Variants in DENND1A observed in about 807,000 individuals in gnomAD.
DENND1A encodes the protein DENN domain containing 1A.
Under a neutral mutation model 113.7 loss-of-function variants are expected in DENND1A, and 51 were observed. That is an observed-to-expected ratio of 0.45 (90% CI 0.36 to 0.57). The LOEUF is 0.57. DENND1A is among the 20% of genes least tolerant of loss of function. The pLI is 0.00. For synonymous variants in DENND1A, 565 were observed against 570.8 expected (o/e 0.99, Z 0.14); for missense variants, 1,258 against 1,395.9 (o/e 0.90, Z 1.57).
At chr9:123,576,184 G>T (rs563099829) in intron 12 of DENND1A, among the ~76,000 whole-genome samples, 1 of 152,220 alleles carries the variant, frequency 6.6e-6, no homozygotes, top group Non-Finnish European at 1.5e-5. Flanking sequence ...TATTATGCCA[G>T]TTTTTGTATA....
At chr9:123,682,602 A>T (rs2064541427) in intron 5 of DENND1A, among the ~76,000 whole-genome samples, 1 of 152,210 alleles carries the variant, frequency 6.6e-6, no homozygotes, top group Non-Finnish European at 1.5e-5. Flanking sequence ...CCCCAATGTT[A>T]AAAAGCAGAG....
intron 2 of DENND1A, among the ~76,000 whole-genome samples, chr9:123,863,751 C>A (rs917704295): frequency 6.6e-6 from 1 of 152,286 alleles, no homozygotes. Flanking sequence ...GCTAAAGTTA[C>A]AAAAGCAGGC....
intron 13 of DENND1A, among the ~76,000 whole-genome samples, chr9:123,542,164 T>C (rs2056338437): frequency 6.6e-6 from 1 of 152,254 alleles, no homozygotes; most frequent in African/African-American, 2.4e-5. Context: ...ACATTCCTGT[T>C]AGCTCCAGGC....
At chr9:123,692,270 T>C (rs1335868212) in intron 5 of DENND1A, among the ~76,000 whole-genome samples, 1 of 152,242 alleles carries the variant, frequency 6.6e-6, no homozygotes, top group Non-Finnish European at 1.5e-5. Flanking sequence ...ATGTCTACTC[T>C]CTTAGGAGAA....
rs751293460 is a variant in DENND1A, at chr9:123,422,359, C to G, written c.1489-10530G>C. Among the ~76,000 whole-genome samples, 19 of 152,240 alleles carry G rather than the reference C, an allele frequency of 1.2e-4. 1 individual carries two copies. Among genetic ancestry groups the G allele is most frequent in the Non-Finnish European group, 2.5e-4 (17 of 68,040 alleles). Reference sequence around the variant, plus strand: ...TCTACCTACAGGTTTCCTAGCCTAACAGGTTGAGCCCCAGGGCCATCCCCC... The same window carrying G: ...TCTACCTACAGGTTTCCTAGCCTAAGAGGTTGAGCCCCAGGGCCATCCCCC... On this transcript the variant is annotated intron_variant, in intron 19 of 23. Coordinates refer to ENST00000394215, the MANE Select transcript of DENND1A (RefSeq NM_001352964.2). This position sits in a 1 kb window ranked among gnomAD's most constrained non-coding sequence, Gnocchi z 4.8.
At chr9:123,929,035 C>T (rs563466563) in intron 1 of DENND1A, 2 of 504,396 alleles carry the variant, frequency 4.0e-6, no homozygotes, top group African/African-American at 4.2e-5. Context: ...CACAAGAGGA[C>T]CTGGCTGGGA....
chr9:123,695,484 T>TTA (rs138844001), intron 5 of DENND1A, among the ~76,000 whole-genome samples: 14,408 of 150,880 alleles, frequency 0.095, 753 homozygotes, highest in African/African-American at 0.14. Flanking sequence ...TCATTGAGTT[T>TTA]TATATATATA....
chr9:123,660,321 C>T (rs1030729883), intron 8 of DENND1A, among the ~76,000 whole-genome samples: 12 of 152,110 alleles, frequency 7.9e-5, no homozygotes, highest in Non-Finnish European at 1.8e-4. Flanking sequence ...GATTTAGGGA[C>T]AATGGGTCAT....
chr9:123,883,034 G>C (rs1848542683), intron 1 of DENND1A, among the ~76,000 whole-genome samples: 1 of 151,982 alleles, frequency 6.6e-6, no homozygotes, highest in South Asian at 2.1e-4. Flanking sequence ...CCTTCTTTCT[G>C]CTCCTCAAAC....
At chr9:123,568,847 T>C (rs370497244) in intron 12 of DENND1A, among the ~76,000 whole-genome samples, 50 of 152,244 alleles carry the variant, frequency 3.3e-4, no homozygotes, top group East Asian at 3.1e-3. Flanking sequence ...GTATAATAGA[T>C]GTGTTTCACA....
intron 1 of DENND1A, among the ~76,000 whole-genome samples, chr9:123,902,984 T>G (rs932121500): frequency 2.0e-5 from 3 of 151,932 alleles, no homozygotes; most frequent in Non-Finnish European, 4.4e-5. Flanking sequence ...AGTGGGTTTA[T>G]CCCAGGAATG....
intron 18 of DENND1A, among the ~76,000 whole-genome samples, chr9:123,441,945 T>C (rs1052680148): frequency 1.3e-5 from 2 of 152,202 alleles, no homozygotes; most frequent in Admixed American, 6.5e-5. Context: ...TAATTCCTTA[T>C]TGAAAAATTA....
chr9:123,476,507 T>G (rs2049926714), intron 13 of DENND1A, among the ~76,000 whole-genome samples: 2 of 152,166 alleles, frequency 1.3e-5, no homozygotes, highest in South Asian at 4.1e-4. Flanking sequence ...AACCCAACAT[T>G]TGTTGGTCAC....
chr9:123,639,777 C>CAAAA (rs199515973), intron 9 of DENND1A, among the ~76,000 whole-genome samples: 4 of 115,604 alleles, frequency 3.5e-5, no homozygotes, highest in Non-Finnish European at 7.7e-5. Flanking sequence ...AACTCCATCT[C>CAAAA]AAAAAAAAAA....
intron 9 of DENND1A, among the ~76,000 whole-genome samples, chr9:123,647,228 T>A (rs1407228708): frequency 6.6e-6 from 1 of 150,830 alleles, no homozygotes; most frequent in Non-Finnish European, 1.5e-5. Flanking sequence ...AAAAAAAAAA[T>A]GTAAGAACCC....
chr9:123,771,218 A>G (rs1829675934), intron 3 of DENND1A, among the ~76,000 whole-genome samples: 1 of 152,226 alleles, frequency 6.6e-6, no homozygotes. Flanking sequence ...GCAATAGGTA[A>G]TACAGAATCA....
At chr9:123,924,552 G>A (rs1447849813) in intron 1 of DENND1A, among the ~76,000 whole-genome samples, 1 of 151,726 alleles carries the variant, frequency 6.6e-6, no homozygotes, top group Non-Finnish European at 1.5e-5. Context: ...TTGGGAGGCT[G>A]AGGCATAAGA....
chr9:123,426,772 G>T (rs1189890821), intron 19 of DENND1A, among the ~76,000 whole-genome samples: 1 of 152,188 alleles, frequency 6.6e-6, no homozygotes, highest in Non-Finnish European at 1.5e-5. Context: ...AATGTCCATT[G>T]CAACTGGCTG....
At chr9:123,573,802 G>A (rs553412671) in intron 12 of DENND1A, among the ~76,000 whole-genome samples, 1 of 151,774 alleles carries the variant, frequency 6.6e-6, no homozygotes, top group African/African-American at 2.4e-5. Context: ...CCAGTACAAT[G>A]TTGAATAGAA....
Sources: gnomAD v4.1 joint callset for allele counts (sites outside exome capture counted in the v4.1 genomes callset) on GRCh38, gnomAD v4.1.1 for gene constraint, Gnocchi (gnomAD v3.1) non-coding constraint, MANE v1.5 for transcripts, NCBI Gene and HGNC (gene_info 2026-07-23, HGNC 2026-07-21) for gene names.